CCNY: variants seen among roughly 807,000 people sequenced by gnomAD.
CCNY encodes the protein cyclin Y.
A neutral mutation model predicts 42.8 loss-of-function variants in CCNY; 19 were observed. The observed-to-expected ratio is 0.44, with a 90% CI of 0.31 to 0.65. The LOEUF is 0.65. CCNY is among the 30% of genes least tolerant of loss of function. CCNY has a pLI of 0.07. For synonymous variants in CCNY, 165 were observed against 162.7 expected, an observed-to-expected ratio of 1.01 and a Z score of -0.11; for missense variants, 370 against 437.3, an observed-to-expected ratio of 0.85 and a Z score of 1.37.
intron 3 of CCNY, among the ~76,000 whole-genome samples, chr10:35,257,278 CCTTT>C (rs2095716386): frequency 8.3e-6 from 1 of 119,944 alleles, no homozygotes; most frequent in Non-Finnish European, 1.7e-5. Flanking sequence ...TTCTTTTTTT[CCTTT>C]CTTTCTCTCT....
chr10:35,423,161 T>G (rs963854034), intron 1 of CCNY, among the ~76,000 whole-genome samples: 2 of 152,196 alleles, frequency 1.3e-5, no homozygotes, highest in Non-Finnish European at 2.9e-5. Context: ...CTTTTTTTTA[T>G]AGAGTCTTTT....
At chr10:35,474,105 G>A (rs1189967811) in intron 1 of CCNY, among the ~76,000 whole-genome samples, 5 of 152,216 alleles carry the variant, frequency 3.3e-5, no homozygotes, top group South Asian at 2.1e-4. Context: ...AAAAAACGGC[G>A]CACCACGAGA....
intron 1 of CCNY, among the ~76,000 whole-genome samples, chr10:35,356,905 C>A (rs1836562712): frequency 6.6e-6 from 1 of 152,156 alleles, no homozygotes; most frequent in African/African-American, 2.4e-5. Context: ...ATACATACTC[C>A]TCCCCGTGGC....
intron 3 of CCNY, among the ~76,000 whole-genome samples, chr10:35,279,219 G>A (rs962906107): frequency 1.3e-5 from 2 of 148,722 alleles, no homozygotes; most frequent in Non-Finnish European, 3.0e-5. Flanking sequence ...CAGTTCAAGT[G>A]ATTCTTCTGC....
chr10:35,365,036 T>G (rs575319347), intron 1 of CCNY, among the ~76,000 whole-genome samples: 4 of 152,342 alleles, frequency 2.6e-5, no homozygotes, highest in South Asian at 4.1e-4. Flanking sequence ...GAATTTGGAC[T>G]TAGGACTTTG....
chr10:35,317,135 T>C lies in CCNY; in HGVS notation c.-9+66509T>C, dbSNP rs116289302. On this transcript the variant is annotated intron_variant, in intron 3 of 11. Coordinates refer to the CCNY transcript ENST00000374706. ...GAGCTGGGATTACAGGCGTGAACCA[T>C]TGTGCAGGGCCCAATTTTTTTTTAA... is the stretch of plus-strand genomic sequence containing the variant. 1.9e-3 allele frequency among the ~76,000 whole-genome samples: 291 copies of C among 152,240 alleles called. 2 individuals are homozygous for C. The highest frequency in any genetic ancestry group is 6.5e-3 in the African/African-American group (271 of 41,552).
At chr10:35,364,091 C>T (rs1026416308) in intron 1 of CCNY, among the ~76,000 whole-genome samples, 1 of 152,072 alleles carries the variant, frequency 6.6e-6, no homozygotes. Context: ...GTGTTCTGAT[C>T]TCCAAAGTGG....
chr10:35,334,752 A>C (rs961052559), upstream of CCNY, among the ~76,000 whole-genome samples: 4 of 152,258 alleles, frequency 2.6e-5, no homozygotes, highest in African/African-American at 9.6e-5. Context: ...ATAAATGTAT[A>C]AACAGTACTT....
chr10:35,320,699 T>C (rs982955663), intron 3 of CCNY, among the ~76,000 whole-genome samples: 11 of 152,184 alleles, frequency 7.2e-5, no homozygotes, highest in African/African-American at 2.7e-4. Flanking sequence ...GATGACATGA[T>C]TGTGTATGTA....
At chr10:35,269,625 T>C (rs2095729133) in intron 3 of CCNY, among the ~76,000 whole-genome samples, 1 of 136,540 alleles carries the variant, frequency 7.3e-6, no homozygotes, top group African/African-American at 3.2e-5. Flanking sequence ...CTCTTTTTTT[T>C]TTTTTGTTTT....
intron 1 of CCNY, among the ~76,000 whole-genome samples, chr10:35,479,618 A>T (rs71489505): frequency 2.2e-5 from 1 of 44,536 alleles, no homozygotes; most frequent in African/African-American, 8.4e-5. Context: ...GGGTGGGGGG[A>T]GGGGGGGGAG....
Position 35,364,298 on chromosome 10 carries a change from T to C in CCNY, c.154+27091T>C, listed in dbSNP as rs115238102. On this transcript the variant is annotated intron_variant, in intron 1 of 9. Transcript: ENST00000374704. ...CAAGCAGGAGTGGAATTCAAATATA[T>C]AGATTTAACAAAAGCTTCTTTTTGG... Among the ~76,000 whole-genome samples the C allele has an allele frequency of 6.6e-3, 1,001 of 152,282 alleles. 17 individuals carry two copies. The highest frequency in any genetic ancestry group is 0.023 in the African/African-American group (955 of 41,560).
At chr10:35,337,554 C>T (rs1454893504) in intron 1 of CCNY, among the ~76,000 whole-genome samples, 2 of 152,194 alleles carry the variant, frequency 1.3e-5, no homozygotes, top group African/African-American at 4.8e-5. Flanking sequence ...TCGGGGTTCC[C>T]GGCACTACCT....
At chr10:35,370,443 G>A (rs949817034) in intron 1 of CCNY, among the ~76,000 whole-genome samples, 5 of 151,782 alleles carry the variant, frequency 3.3e-5, no homozygotes, top group Non-Finnish European at 7.4e-5. Flanking sequence ...GAGCCACCGC[G>A]CCCGGCCGTT....
In CCNY at chr10:35,343,000, C is replaced by CTT. The variant is rs112760907; in HGVS notation, c.154+5812_154+5813dup. Among the ~76,000 whole-genome samples the CTT allele has an allele frequency of 1.5e-3, 192 of 128,330 alleles. 2 individuals carry two copies. The highest frequency in any genetic ancestry group is 5.0e-3 in the African/African-American group (175 of 34,974). 84.2% of individuals were successfully genotyped at this position (128,330 alleles called of 152,430 possible). A position where few individuals can be genotyped will look rare whatever the true frequency, so the allele number is the denominator to read the frequency against. On this transcript the variant is annotated intron_variant, in intron 1 of 9. Transcript: ENST00000374704. ...TAAGGACTTTTACTTTCCTGCCTGCCTTTTTTTTTTTTTTTTTTTTAAGAC... is the reference window on the plus strand; with the variant it reads ...TAAGGACTTTTACTTTCCTGCCTGCCTTTTTTTTTTTTTTTTTTTTTTAAGAC...
intron 3 of CCNY, among the ~76,000 whole-genome samples, chr10:35,255,146 G>A (rs1162993544): frequency 3.3e-5 from 5 of 151,914 alleles, no homozygotes; most frequent in African/African-American, 1.2e-4. Flanking sequence ...GGTTTATTTT[G>A]TTAAATCGTC....
intron 1 of CCNY, among the ~76,000 whole-genome samples, chr10:35,347,885 C>T (rs1836341292): frequency 6.6e-6 from 1 of 152,058 alleles, no homozygotes; most frequent in South Asian, 2.1e-4. Flanking sequence ...TTTAAAAGTC[C>T]AGGTTTTACA....
intron 1 of CCNY, among the ~76,000 whole-genome samples, chr10:35,414,566 G>A (rs1460701245): frequency 6.6e-6 from 1 of 152,186 alleles, no homozygotes. Flanking sequence ...TCGCACTTAG[G>A]AAAGGGGATT....
intron 3 of CCNY, among the ~76,000 whole-genome samples, chr10:35,325,379 C>T (rs977763714): frequency 6.6e-5 from 10 of 151,794 alleles, no homozygotes; most frequent in Non-Finnish European, 8.8e-5. Context: ...GGTTTCACCA[C>T]GTTGGCCAGG....
Sources: allele counts gnomAD v4.1 joint callset (sites outside exome capture counted in the v4.1 genomes callset), GRCh38; gene constraint gnomAD v4.1.1; transcripts MANE v1.5; gene names NCBI Gene and HGNC (gene_info 2026-07-23, HGNC 2026-07-21).